The following KCNIP4 variants were observed in gnomAD, a reference collection of about 807,000 sequenced individuals.
KCNIP4 encodes the protein potassium voltage-gated channel interacting protein 4.
In KCNIP4, 12 loss-of-function variants were observed where a neutral mutation model predicts 34.0. That is an observed-to-expected ratio of 0.35 (90% CI 0.23 to 0.57). The LOEUF is 0.57. Ranked by LOEUF, KCNIP4 falls within the 20% of genes least tolerant of loss-of-function variation. The probability of loss-of-function intolerance (pLI) is 0.83; values close to 1 mark genes in which losing one functional copy is unlikely to be tolerated. For missense variants in KCNIP4, 238 were observed against 311.7 expected (o/e 0.76, Z 1.78); for synonymous variants, 124 against 102.2 (o/e 1.21, Z -1.29).
At chr4:21,617,771 T>G (rs1429017396) in intron 1 of KCNIP4, among the ~76,000 whole-genome samples, 10 of 152,180 alleles carry the variant, frequency 6.6e-5, no homozygotes, top group Admixed American at 3.9e-4. Flanking sequence ...CTCCTCCTTT[T>G]TATGGATCTG....
At chr4:21,539,894 G>A (rs28694887) in intron 1 of KCNIP4, among the ~76,000 whole-genome samples, 27,839 of 151,546 alleles carry the variant, frequency 0.18, 2,601 homozygotes, top group Non-Finnish European at 0.19. Flanking sequence ...CAGGAGAATC[G>A]CTTGAACCGG....
intron 1 of KCNIP4, among the ~76,000 whole-genome samples, chr4:21,237,534 A>G (rs1469573556): frequency 6.6e-6 from 1 of 152,200 alleles, no homozygotes; most frequent in Non-Finnish European, 1.5e-5. Context: ...GCAATAAAAA[A>G]TGATAACGGG....
chr4:21,132,714 A>T (rs1277090392), intron 1 of KCNIP4, among the ~76,000 whole-genome samples: 1 of 152,122 alleles, frequency 6.6e-6, no homozygotes, highest in Non-Finnish European at 1.5e-5. Flanking sequence ...ATGTTAGAAT[A>T]AGAAATTTTT....
intron 1 of KCNIP4, among the ~76,000 whole-genome samples, chr4:21,011,793 G>A (rs1038064022): frequency 1.1e-4 from 17 of 152,156 alleles, no homozygotes; most frequent in African/African-American, 4.1e-4. Context: ...GTGGCTTTCA[G>A]AAAGTCTCCT....
chr4:20,910,918 T>C (rs1457715770), intron 1 of KCNIP4, among the ~76,000 whole-genome samples: 1 of 152,118 alleles, frequency 6.6e-6, no homozygotes, highest in Non-Finnish European at 1.5e-5. Flanking sequence ...TTCCTCCTCC[T>C]TTAACATAAG....
In KCNIP4 at chr4:21,608,188, G is replaced by A. The variant is rs532817398; in HGVS notation, c.61+340383C>T. On this transcript the variant is annotated intron_variant, in intron 1 of 8. Coordinates refer to ENST00000382152, the MANE Select transcript of KCNIP4 (RefSeq NM_025221.6). ...TCCACAACTAATTACCACAACCTTA[G>A]AAGCTTAAAGAAACACAAATTTATT... Among the ~76,000 whole-genome samples the A allele has an allele frequency of 1.7e-4, 26 of 152,114 alleles. No individual in the cohort carries two copies. In the South Asian group the frequency reaches 5.4e-3, roughly 32 times the overall value.
chr4:20,905,727 G>A (rs1727690350), intron 1 of KCNIP4, among the ~76,000 whole-genome samples: 1 of 150,864 alleles, frequency 6.6e-6, no homozygotes, highest in Non-Finnish European at 1.5e-5. Flanking sequence ...TCACTGTATT[G>A]GCTGGGCTGG....
At chr4:20,905,509 C>CTTT (rs10686415) in intron 1 of KCNIP4, among the ~76,000 whole-genome samples, 963 of 72,784 alleles carry the variant, frequency 0.013, 39 homozygotes, top group African/African-American at 0.041. Context: ...CGTTTTCTTT[C>CTTT]TTTTTTTTTT....
chr4:21,553,936 T>C (rs1268307512), intron 1 of KCNIP4, among the ~76,000 whole-genome samples: 2 of 152,136 alleles, frequency 1.3e-5, no homozygotes, highest in East Asian at 3.9e-4. Flanking sequence ...ACAGGTTTTC[T>C]CAGGCTTAAG....
chr4:20,762,661 ATTAG>A (rs1755049815), intron 3 of KCNIP4, among the ~76,000 whole-genome samples: 1 of 152,224 alleles, frequency 6.6e-6, no homozygotes, highest in African/African-American at 2.4e-5. Context: ...AATGTGCTGT[ATTAG>A]TTAACTCTTG....
At chr4:21,806,378 C>A (rs1721300950) in intron 1 of KCNIP4, among the ~76,000 whole-genome samples, 1 of 152,178 alleles carries the variant, frequency 6.6e-6, no homozygotes, top group South Asian at 2.1e-4. Context: ...ATTATTTCAA[C>A]AGTGACCTGT....
At chr4:21,032,077 G>A (rs909710733) in intron 1 of KCNIP4, among the ~76,000 whole-genome samples, 7 of 152,164 alleles carry the variant, frequency 4.6e-5, no homozygotes, top group Non-Finnish European at 4.4e-5. Flanking sequence ...CCAAGACATG[G>A]CAGATGAGGA....
intron 1 of KCNIP4, among the ~76,000 whole-genome samples, chr4:21,836,695 T>C (rs114746888): frequency 0.014 from 2,095 of 152,216 alleles, 40 homozygotes; most frequent in African/African-American, 0.047. Context: ...AAATCCAGTC[T>C]TGCTATTTTC....
chr4:20,956,374 G>A (rs577022428), intron 1 of KCNIP4, among the ~76,000 whole-genome samples: 7 of 152,090 alleles, frequency 4.6e-5, no homozygotes, highest in Non-Finnish European at 7.4e-5. Context: ...GCGTGGTGGC[G>A]GGTGCCCGTG....
At chr4:21,419,712 T>G (rs1725290166) in intron 1 of KCNIP4, among the ~76,000 whole-genome samples, 1 of 151,828 alleles carries the variant, frequency 6.6e-6, no homozygotes, top group Non-Finnish European at 1.5e-5. Flanking sequence ...AAATATTGAG[T>G]TTTTTTAGGT....
chr4:21,265,177 G>T (rs1761719063), intron 1 of KCNIP4, among the ~76,000 whole-genome samples: 1 of 151,918 alleles, frequency 6.6e-6, no homozygotes, highest in Non-Finnish European at 1.5e-5. Flanking sequence ...ACCAATGAAA[G>T]AAGTGAGAGG....
At chr4:21,936,677 T>C (rs1729879872) in intron 1 of KCNIP4, among the ~76,000 whole-genome samples, 1 of 152,132 alleles carries the variant, frequency 6.6e-6, no homozygotes, top group East Asian at 1.9e-4. Context: ...GGTAACGTGA[T>C]AGCAGGCACA....
At chr4:20,929,431 A>C (rs1730219666) in intron 1 of KCNIP4, among the ~76,000 whole-genome samples, 1 of 152,054 alleles carries the variant, frequency 6.6e-6, no homozygotes, top group African/African-American at 2.4e-5. Flanking sequence ...CTAACATAAT[A>C]ATCAGTGGGA....
chr4:21,764,797 G>A (rs1197107381), intron 1 of KCNIP4, among the ~76,000 whole-genome samples: 1 of 152,044 alleles, frequency 6.6e-6, no homozygotes, highest in Non-Finnish European at 1.5e-5. Context: ...GTGCTCCTTA[G>A]GACTGGGAAG....
Sources: gnomAD v4.1 joint callset for allele counts (sites outside exome capture counted in the v4.1 genomes callset) on GRCh38, gnomAD v4.1.1 for gene constraint, MANE v1.5 for transcripts, NCBI Gene and HGNC (gene_info 2026-07-23, HGNC 2026-07-21) for gene names.